WDHD1: variants seen among roughly 807,000 people sequenced by gnomAD.
WDHD1 encodes WD repeat and HMG-box DNA-binding protein 1.
A neutral mutation model predicts 135.4 loss-of-function variants in WDHD1; 111 were observed. The observed-to-expected ratio is 0.82, with a 90% CI of 0.70 to 0.96. The LOEUF (loss-of-function observed/expected upper bound fraction) is 0.96, where lower values mean the gene tolerates loss of function less well. Among genes scored for constraint, WDHD1 ranks in the 40% least tolerant of loss-of-function variants. The pLI, the probability that WDHD1 is intolerant of heterozygous loss-of-function variation, is 0.00. For missense variants in WDHD1, 1,351 were observed against 1,336.3 expected (o/e 1.01, Z -0.17); for synonymous variants, 434 against 439.0 (o/e 0.99, Z 0.14).
chr14:55,018,914 T>C (rs1227274234), intron 2 of WDHD1, among the ~76,000 whole-genome samples: 1 of 152,118 alleles, frequency 6.6e-6, no homozygotes, highest in African/African-American at 2.4e-5. Context: ...TCCCAGCTAC[T>C]TGGGAGGCTG....
At chr14:55,008,797 CTTTT>C (rs371293649) in intron 4 of WDHD1, 78 bp from the exon 5 acceptor site, 36 of 745,604 alleles carry the variant, frequency 4.8e-5, no homozygotes, top group Admixed American at 1.0e-4. Context: ...CCAAATATTT[CTTTT>C]TTTTTTTTTT....
In WDHD1 at chr14:55,008,382, A is replaced by G; in HGVS notation, c.454-16T>C. 1 of 1,612,410 alleles carries G rather than the reference A, an allele frequency of 6.2e-7. No individual in the cohort carries two copies. Among genetic ancestry groups the G allele is most frequent in the Non-Finnish European group, 8.5e-7 (1 of 1,179,236 alleles). Reference sequence around the variant, plus strand: ...TAGCTGATGCCTGCAGGAATAAACAATACATTTCTCTATAGTCATAGCCAT... The same window carrying G: ...TAGCTGATGCCTGCAGGAATAAACAGTACATTTCTCTATAGTCATAGCCAT... On this transcript the variant is annotated splice_polypyrimidine_tract_variant and intron_variant, in intron 5 of 25. Coordinates refer to ENST00000360586, the MANE Select transcript of WDHD1 (RefSeq NM_007086.4).
rs748215995 is a variant in WDHD1 at position 54,987,197 on chromosome 14, C to T, written c.1717G>A (p.Val573Met). ...QKEVFSLAGP[V>M]VSMAGHGEQL... ...TCTCCATGTCCTGCCATTGACACCACAGGTCCAGCAAGGCTGAATACCTCT... is the reference window on the plus strand; with the variant it reads ...TCTCCATGTCCTGCCATTGACACCATAGGTCCAGCAAGGCTGAATACCTCT... The change falls in exon 14 of 26, where the codon GTG becomes ATG. Residue 573 changes from valine to methionine, a missense_variant. Coordinates refer to ENST00000360586, the MANE Select transcript of WDHD1 (RefSeq NM_007086.4). The T allele has an allele frequency of 8.1e-6, 13 of 1,614,060 alleles. No individual in the cohort carries two copies. The highest frequency in any genetic ancestry group is 1.7e-5 in the Admixed American group (1 of 60,004).
chr14:55,021,964 G>C (rs901099133), intron 2 of WDHD1, among the ~76,000 whole-genome samples: 1 of 152,088 alleles, frequency 6.6e-6, no homozygotes, highest in Non-Finnish European at 1.5e-5. Flanking sequence ...CTCTTCCATA[G>C]CAATGACAAT....
In WDHD1 at chr14:54,973,009, T is replaced by A. The variant is rs2041466651; in HGVS notation, c.2064-5615A>T. On this transcript the variant is annotated intron_variant, in intron 16 of 25. Transcript: ENST00000360586. ...GAGTAGTGCTCTCGCAGCTGATTTA[T>A]TAAAAAGCATTAATTAATCACAGAA... Among the ~76,000 whole-genome samples the A allele has an allele frequency of 2.0e-5, 3 of 150,854 alleles. No homozygotes were observed. The South Asian group carries it at 6.3e-4, about 32-fold the overall frequency.
At chr14:54,964,072 T>A (rs1430989125) in intron 18 of WDHD1, among the ~76,000 whole-genome samples, 1 of 152,132 alleles carries the variant, frequency 6.6e-6, no homozygotes, top group Non-Finnish European at 1.5e-5. Context: ...CTTGCCACTG[T>A]ACTCTAGCCT....
intron 15 of WDHD1, among the ~76,000 whole-genome samples, chr14:54,982,163 C>A (rs376107153): frequency 1.3e-5 from 2 of 151,822 alleles, no homozygotes; most frequent in African/African-American, 4.8e-5. Flanking sequence ...CCCGCCACCA[C>A]GCCCAGCTAA....
chr14:54,989,136 G>T lies in WDHD1; in HGVS notation c.1418C>A (p.Thr473Asn), dbSNP rs1443703785. The change falls in exon 13 of 26, where the codon ACC becomes AAC. Residue 473 changes from threonine (T) to asparagine (N), a missense_variant. Physicochemically the swap from Thr to Asn is moderately conservative, Grantham distance 65. Coordinates refer to ENST00000360586, the MANE Select transcript of WDHD1 (RefSeq NM_007086.4). ...TAAGTGTGTTGCATGGTGTATGGAG[G>T]TATCATGGAACTCCACATCTATGGC... Reference protein sequence around the residue: ...DNAIDVEFHDTSIHHATHLSN... With the variant: ...DNAIDVEFHDNSIHHATHLSN... 2 of 1,613,042 alleles carry T rather than the reference G, an allele frequency of 1.2e-6. No individual in the cohort carries two copies. The highest frequency in any genetic ancestry group is 2.7e-5 in the African/African-American group (2 of 74,886).
chr14:54,946,951 G>A (rs185339345), intron 24 of WDHD1, among the ~76,000 whole-genome samples: 49 of 152,312 alleles, frequency 3.2e-4, no homozygotes, highest in Middle Eastern at 6.8e-3. Context: ...GCTGAGGCAT[G>A]AGAATTGCTT....
chr14:54,987,073 G>A, intron 14 of WDHD1, 73 bp downstream of exon 14: 1 of 1,554,864 alleles, frequency 6.4e-7, no homozygotes, highest in African/African-American at 1.4e-5. Flanking sequence ...GACAAAAAGA[G>A]TAACAAAAAC....
rs754530198 is a variant in WDHD1 at position 55,010,315 on chromosome 14, C to A, written c.335G>T (p.Gly112Val). 1.5e-5 allele frequency: 24 copies of A among 1,598,590 alleles called. 1 individual carries two copies. The South Asian group carries it at 2.3e-4, about 15-fold the overall frequency. The change falls in exon 4 of 26, where the codon GGA becomes GTA. Residue 112 changes from glycine (G) to valine (V), a missense_variant. Gly to Val is a moderately radical substitution (Grantham distance 109, BLOSUM62 -3). Around this residue, in one of 2 missense-constraint regions of WDHD1, gnomAD observed 1,330 missense variants for 1,296.1 expected, o/e 1.03. Transcript: ENST00000360586. ...TGATGTCAAAGAGCCTTACCTAGAT[C>A]CAGCAGCAATTTTAGTACCATCCCC... ...FNGDGTKIAAGSSDFLVKIVD... is the reference protein window; with the variant it reads ...FNGDGTKIAAVSSDFLVKIVD...
chr14:54,974,447 T>A (rs1178873794), intron 16 of WDHD1, among the ~76,000 whole-genome samples: 1 of 150,122 alleles, frequency 6.7e-6, no homozygotes, highest in East Asian at 2.0e-4. Flanking sequence ...AAAAAAAAAA[T>A]TACTTCAATT....
intron 23 of WDHD1, 70 bp from the exon 24 acceptor site, chr14:54,955,764 A>G: frequency 1.6e-6 from 2 of 1,253,886 alleles, no homozygotes; most frequent in Non-Finnish European, 1.0e-6. Context: ...GCACGTTCTG[A>G]AAAATGTGAA....
chr14:55,003,347 A>G (rs529617989), intron 7 of WDHD1, among the ~76,000 whole-genome samples: 129 of 151,780 alleles, frequency 8.5e-4, no homozygotes, highest in Non-Finnish European at 1.5e-3. Context: ...CTGTCTCTAC[A>G]AAAAATAAAA....
At chr14:55,005,786 G>T in intron 7 of WDHD1, 1 of 319,176 alleles carries the variant, frequency 3.1e-6, no homozygotes, top group Admixed American at 4.3e-5. Context: ...TTTAGAATCA[G>T]CTCAATTTGG....
In WDHD1 at chr14:54,952,122, G is replaced by A. The variant is rs903344022; in HGVS notation, c.3050+3439C>T. On this transcript the variant is annotated intron_variant, in intron 24 of 25. Transcript: ENST00000360586. ...TCTCTCACCACTTCTGTTCAACATAGTGTTGGAAGTTCTGGCCAGGGCAAT... is the reference window on the plus strand; with the variant it reads ...TCTCTCACCACTTCTGTTCAACATAATGTTGGAAGTTCTGGCCAGGGCAAT... Among the ~76,000 whole-genome samples, 3 of 152,314 alleles carry A rather than the reference G, an allele frequency of 2.0e-5. No homozygotes were observed. In the South Asian group the frequency reaches 6.2e-4, roughly 32 times the overall value.
intron 2 of WDHD1, among the ~76,000 whole-genome samples, chr14:55,022,273 T>C (rs569968462): frequency 1.3e-5 from 2 of 152,300 alleles, no homozygotes; most frequent in South Asian, 4.1e-4. Flanking sequence ...AGACTGGAGT[T>C]TATCTTTTCC....
chr14:54,993,480 T>A (rs2041824562), intron 11 of WDHD1, among the ~76,000 whole-genome samples: 1 of 152,194 alleles, frequency 6.6e-6, no homozygotes, highest in Non-Finnish European at 1.5e-5. Flanking sequence ...CAGATTACAC[T>A]TTGCAAGTAA....
chr14:54,957,589 T>C lies in WDHD1; in HGVS notation c.2745+3A>G, dbSNP rs1595065303. Reference sequence around the variant, plus strand: ...ATATAAAACATCACTTGGAAGAGTTTACCTTAAAGGGATTTACTCGTCCTT... The same window carrying C: ...ATATAAAACATCACTTGGAAGAGTTCACCTTAAAGGGATTTACTCGTCCTT... On this transcript the variant is annotated splice_donor_region_variant and intron_variant, in intron 22 of 25. Transcript: ENST00000360586. 6.3e-6 allele frequency: 10 copies of C among 1,596,492 alleles called. No individual in the cohort carries two copies. Among genetic ancestry groups the C allele is most frequent in the Non-Finnish European group, 8.5e-6 (10 of 1,174,748 alleles).
Sources: allele counts gnomAD v4.1 joint callset (sites outside exome capture counted in the v4.1 genomes callset), GRCh38; gene constraint gnomAD v4.1.1; regional missense constraint gnomAD v4.1.1; transcripts MANE v1.5; gene names NCBI Gene and HGNC (gene_info 2026-07-23, HGNC 2026-07-21).